PCBD2: variants seen among roughly 807,000 people sequenced by gnomAD.
The protein encoded by PCBD2 is pterin-4 alpha-carbinolamine dehydratase 2, also known as pterin-4-alpha-carbinolamine dehydratase 2.
Under a neutral mutation model 16.4 loss-of-function variants are expected in PCBD2, and 12 were observed. The observed-to-expected ratio is 0.73, with a 90% CI of 0.47 to 1.19. PCBD2 has a LOEUF of 1.19. PCBD2 is among the 50% of genes most tolerant of loss of function. The pLI, the probability that PCBD2 is intolerant of heterozygous loss-of-function variation, is 0.00. For missense variants in PCBD2, 138 were observed against 156.8 expected (o/e 0.88, Z 0.64); for synonymous variants, 58 against 61.8 (o/e 0.94, Z 0.29).
chr5:134,933,278 C>T lies in PCBD2; in HGVS notation c.216+22812C>T, dbSNP rs889621051. On this transcript the variant is annotated intron_variant, in intron 2 of 3. Transcript: ENST00000254908. ...TTGAGACAGGGTCTCACTGTGTCAC[C>T]TATGCAGGATTCAGTAGTGCCATCT... 4.6e-5 allele frequency among the ~76,000 whole-genome samples: 7 copies of T among 152,148 alleles called. No individual in the cohort carries two copies. In the East Asian group the frequency reaches 1.3e-3, roughly 29 times the overall value.
chr5:134,925,462 G>C (rs1481125513), intron 2 of PCBD2: 4 of 398,406 alleles, frequency 1.0e-5, no homozygotes, highest in Non-Finnish European at 1.8e-5. Context: ...TTTGAAGAAG[G>C]CGTGGGTACA....
Position 134,958,943 on chromosome 5 carries a change from C to T in PCBD2, c.217-97C>T, listed in dbSNP as rs946165293. ...ATTTCCACAGGCTTCCCTAAGGATCCTTGCCTGCCTTTATGTGGTTGGATT... is the reference window on the plus strand; with the variant it reads ...ATTTCCACAGGCTTCCCTAAGGATCTTTGCCTGCCTTTATGTGGTTGGATT... On this transcript the variant is annotated intron_variant, in intron 2 of 3. Coordinates refer to ENST00000254908, the MANE Select transcript of PCBD2 (RefSeq NM_032151.5). 3.2e-5 allele frequency: 29 copies of T among 892,770 alleles called. No individual in the cohort carries two copies. The African/African-American group carries it at 4.8e-4, about 15-fold the overall frequency. The allele number at this position is 892,770 out of a possible 1,614,324, so 55.3% of individuals were successfully genotyped here.
At chr5:134,928,561 G>A (rs951069905) in intron 2 of PCBD2, 2 of 246,144 alleles carry the variant, frequency 8.1e-6, no homozygotes, top group East Asian at 7.1e-5. Flanking sequence ...CAGGCTGGGC[G>A]CGGTGGCTCA....
intron 2 of PCBD2, among the ~76,000 whole-genome samples, chr5:134,920,767 C>A (rs1278668644): frequency 6.6e-6 from 1 of 152,072 alleles, no homozygotes; most frequent in East Asian, 1.9e-4. Flanking sequence ...GCGATTCTCC[C>A]ACCTCAGCCT....
At position 134,906,194 on chromosome 5, in the gene PCBD2, A is replaced by ATTTTTTTTTTTTT. The variant is rs1158334317; in HGVS notation, c.84+986_84+998dup. On this transcript the variant is annotated intron_variant, in intron 1 of 3. Transcript: ENST00000254908. ...TGGCCTGAAATTCTTTAATAGAAGA[A>ATTTTTTTTTTTTT]TTTTTTTTTTTTTTTTTTTTTTTTT... Among the ~76,000 whole-genome samples the ATTTTTTTTTTTTT allele has an allele frequency of 2.5e-3, 165 of 66,522 alleles. 16 individuals are homozygous for ATTTTTTTTTTTTT. The highest frequency in any genetic ancestry group is 9.3e-3 in the African/African-American group (137 of 14,662). The allele number at this position is 66,522 out of a possible 152,430, so 43.6% of individuals were successfully genotyped here.
intron 2 of PCBD2, among the ~76,000 whole-genome samples, chr5:134,954,289 A>AAGTATACTT (rs1751391447): frequency 6.6e-6 from 1 of 152,190 alleles, no homozygotes; most frequent in South Asian, 2.1e-4. Flanking sequence ...ACATTTAAGT[A>AAGTATACTT]TACTTATGTC....
chr5:134,929,175 A>G (rs1580885897), intron 2 of PCBD2, among the ~76,000 whole-genome samples: 1 of 152,006 alleles, frequency 6.6e-6, no homozygotes, highest in Admixed American at 6.6e-5. Context: ...GTTGGCAAAG[A>G]CAAGAAAGAT....
At chr5:134,908,371 A>G (rs1357540509) in intron 1 of PCBD2, among the ~76,000 whole-genome samples, 1 of 151,922 alleles carries the variant, frequency 6.6e-6, no homozygotes, top group East Asian at 1.9e-4. Flanking sequence ...TGTTTAATTA[A>G]AAAGTATTCT....
At chr5:134,928,695 C>T (rs1051797415) in intron 2 of PCBD2, among the ~76,000 whole-genome samples, 3 of 151,996 alleles carry the variant, frequency 2.0e-5, no homozygotes, top group Admixed American at 6.6e-5. Context: ...ATTAGCCAGG[C>T]GTGGTGGCGG....
chr5:134,941,793 A>T (rs568887860), intron 2 of PCBD2, among the ~76,000 whole-genome samples: 1 of 152,144 alleles, frequency 6.6e-6, no homozygotes, highest in Non-Finnish European at 1.5e-5. Context: ...AAAACCTGTT[A>T]TACTTTATCT....
At chr5:134,930,336 A>T (rs1466060526) in intron 2 of PCBD2, among the ~76,000 whole-genome samples, 2 of 150,720 alleles carry the variant, frequency 1.3e-5, no homozygotes, top group Non-Finnish European at 2.9e-5. Flanking sequence ...GGGTGATCCT[A>T]GTCAGTGCAC....
chr5:134,954,027 A>G (rs1019126121), intron 2 of PCBD2, among the ~76,000 whole-genome samples: 3 of 152,060 alleles, frequency 2.0e-5, no homozygotes, highest in African/African-American at 7.2e-5. Context: ...GTATGATCAT[A>G]GCTCACTGCA....
At chr5:134,942,824 T>A (rs545129316) in intron 2 of PCBD2, among the ~76,000 whole-genome samples, 11 of 152,314 alleles carry the variant, frequency 7.2e-5, no homozygotes, top group Non-Finnish European at 5.9e-5. Flanking sequence ...ACAGCCTGCT[T>A]AAGGTCTGGG....
At chr5:134,955,579 A>G (rs1369684508) in intron 2 of PCBD2, among the ~76,000 whole-genome samples, 1 of 152,264 alleles carries the variant, frequency 6.6e-6, no homozygotes, top group Non-Finnish European at 1.5e-5. Context: ...AAGTGCTGGG[A>G]TAACAGGCAT....
chr5:134,924,692 A>T, intron 2 of PCBD2: 1 of 396,292 alleles, frequency 2.5e-6, no homozygotes, highest in Non-Finnish European at 4.5e-6. Flanking sequence ...AAGAAGAAAG[A>T]GAGGAAATAA....
intron 2 of PCBD2, chr5:134,924,770 T>A: frequency 2.5e-6 from 1 of 394,108 alleles, no homozygotes; most frequent in Non-Finnish European, 4.5e-6. Flanking sequence ...GAGATTGTTT[T>A]AGGTAGTAGC....
intron 2 of PCBD2, among the ~76,000 whole-genome samples, chr5:134,920,494 G>T (rs935175576): frequency 2.6e-5 from 4 of 152,206 alleles, no homozygotes; most frequent in Admixed American, 2.0e-4. Context: ...ATATTCGCCA[G>T]CTGAAACAAA....
chr5:134,945,650 T>C (rs1211992870), intron 2 of PCBD2, among the ~76,000 whole-genome samples: 1 of 152,258 alleles, frequency 6.6e-6, no homozygotes, highest in East Asian at 1.9e-4. Context: ...ATTTTTCATT[T>C]ATATTCAAGA....
At chr5:134,905,549 G>A in intron 1 of PCBD2, 1 of 234,070 alleles carries the variant, frequency 4.3e-6, no homozygotes, top group East Asian at 8.3e-5. Context: ...GAACAATTCG[G>A]TGCCCGCTGC....
Sources: gnomAD v4.1 joint callset for allele counts (sites outside exome capture counted in the v4.1 genomes callset) on GRCh38, gnomAD v4.1.1 for gene constraint, MANE v1.5 for transcripts, NCBI Gene and HGNC (gene_info 2026-07-23, HGNC 2026-07-21) for gene names.